Variants in POC1A observed in about 807,000 individuals in gnomAD.
The protein encoded by POC1A is POC1 centriolar protein homolog A.
A neutral mutation model predicts 47.8 loss-of-function variants in POC1A; 34 were observed. The ratio of observed to expected loss-of-function variants is 0.71; its 90% confidence interval spans 0.54 to 0.95. The LOEUF is 0.95. POC1A is among the 40% of genes least tolerant of loss of function. The pLI is 0.00. For synonymous variants in POC1A, 177 were observed against 207.6 expected, an observed-to-expected ratio of 0.85 and a Z score of 1.27; for missense variants, 466 against 528.3, an observed-to-expected ratio of 0.88 and a Z score of 1.16.
At chr3:52,089,237 T>C (rs1223931469) in intron 10 of POC1A, among the ~76,000 whole-genome samples, 3 of 151,872 alleles carry the variant, frequency 2.0e-5, no homozygotes, top group Admixed American at 2.0e-4. Flanking sequence ...CCCGCCACAT[T>C]TGCAAAGCCA....
intron 7 of POC1A, among the ~76,000 whole-genome samples, chr3:52,137,669 GA>G (rs1333408891): frequency 6.6e-6 from 1 of 152,138 alleles, no homozygotes; most frequent in African/African-American, 2.4e-5. Context: ...AGCTCATTCA[GA>G]AAGGAGGCCT....
chr3:52,085,867 C>A (rs1457399033), intron 10 of POC1A, among the ~76,000 whole-genome samples: 1 of 152,194 alleles, frequency 6.6e-6, no homozygotes, highest in Non-Finnish European at 1.5e-5. Flanking sequence ...TGGCTGGGCA[C>A]AGGCATGCAC....
chr3:52,131,811 A>G (rs1704223296), intron 7 of POC1A, among the ~76,000 whole-genome samples: 1 of 152,140 alleles, frequency 6.6e-6, no homozygotes, highest in African/African-American at 2.4e-5. Context: ...TAAAAGGCAG[A>G]TGAACCCCTG....
At chr3:52,147,219 C>A in intron 4 of POC1A, 124 bp from the exon 5 acceptor site, 1 of 680,844 alleles carries the variant, frequency 1.5e-6, no homozygotes, top group Non-Finnish European at 2.6e-6. Context: ...CCCGGGGTCA[C>A]ATGCCCTGCT....
chr3:52,141,792 C>T (rs1490150380), intron 6 of POC1A, among the ~76,000 whole-genome samples: 1 of 151,816 alleles, frequency 6.6e-6, no homozygotes, highest in Non-Finnish European at 1.5e-5. Context: ...AGTTCAAGAC[C>T]AGCCTGGGAA....
At chr3:52,114,453 CAG>C (rs1194408520) in intron 9 of POC1A, among the ~76,000 whole-genome samples, 1 of 152,210 alleles carries the variant, frequency 6.6e-6, no homozygotes, top group Non-Finnish European at 1.5e-5. Flanking sequence ...GCAGCACTGA[CAG>C]GGGTCCACAC....
At chr3:52,091,259 C>A (rs1702635990) in intron 10 of POC1A, among the ~76,000 whole-genome samples, 1 of 152,054 alleles carries the variant, frequency 6.6e-6, no homozygotes, top group Non-Finnish European at 1.5e-5. Context: ...GCGGGGAGCT[C>A]GCAGCATGTG....
chr3:52,114,380 T>A (rs1380517091), intron 9 of POC1A, among the ~76,000 whole-genome samples: 2 of 152,110 alleles, frequency 1.3e-5, no homozygotes, highest in African/African-American at 2.4e-5. Context: ...ATTACATGAA[T>A]GAGTACAAGG....
intron 10 of POC1A, among the ~76,000 whole-genome samples, chr3:52,096,287 C>A (rs151321032): frequency 3.9e-5 from 6 of 152,356 alleles, no homozygotes; most frequent in Non-Finnish European, 8.8e-5. Context: ...CACAGTGTTT[C>A]TTTCAAAGCT....
chr3:52,149,195 C>T lies in POC1A; in HGVS notation c.455+15G>A. On this transcript the variant is annotated intron_variant, in intron 4 of 10. Coordinates refer to ENST00000296484, the MANE Select transcript of POC1A (RefSeq NM_015426.5). ...CAGGGTTCCTCCAAGGGTCTCCAGA[C>T]AGAACAATGCTCACTTGGCACAGCG... The T allele has an allele frequency of 1.9e-6, 3 of 1,613,520 alleles. No individual in the cohort carries two copies. Among genetic ancestry groups the T allele is most frequent in the Non-Finnish European group, 2.5e-6 (3 of 1,179,630 alleles).
intron 2 of POC1A, among the ~76,000 whole-genome samples, chr3:52,150,368 G>T (rs1026586099): frequency 1.3e-5 from 2 of 152,180 alleles, no homozygotes; most frequent in Non-Finnish European, 1.5e-5. Flanking sequence ...CATTGAGAGG[G>T]CCCAACTCAG....
At chr3:52,093,854 G>A (rs1421847839) in intron 10 of POC1A, among the ~76,000 whole-genome samples, 1 of 152,226 alleles carries the variant, frequency 6.6e-6, no homozygotes, top group Non-Finnish European at 1.5e-5. Context: ...TCGCCACATG[G>A]GGCCATACCA....
chr3:52,122,736 G>A (rs1703835412), intron 8 of POC1A, among the ~76,000 whole-genome samples: 2 of 152,214 alleles, frequency 1.3e-5, no homozygotes. Flanking sequence ...GCACTTGCTG[G>A]TTCACCTCCC....
intron 10 of POC1A, among the ~76,000 whole-genome samples, chr3:52,082,869 C>G (rs1248914172): frequency 1.3e-5 from 2 of 152,172 alleles, no homozygotes; most frequent in African/African-American, 2.4e-5. Context: ...CAGATACCCC[C>G]AGTCTGCACC....
intron 7 of POC1A, among the ~76,000 whole-genome samples, chr3:52,134,793 C>G (rs563088919): frequency 2.0e-5 from 3 of 148,534 alleles, no homozygotes; most frequent in Admixed American, 2.0e-4. Context: ...TTTTCACCAC[C>G]TGGACTCAAA....
intron 10 of POC1A, among the ~76,000 whole-genome samples, chr3:52,076,793 C>T (rs902310803): frequency 1.3e-5 from 2 of 152,272 alleles, no homozygotes; most frequent in African/African-American, 4.8e-5. Flanking sequence ...GCTCTCCTGG[C>T]CTCTCTTACA....
At chr3:52,096,441 G>A (rs1702816753) in intron 10 of POC1A, 128 bp downstream of exon 10, 5 of 826,254 alleles carry the variant, frequency 6.1e-6, no homozygotes, top group Non-Finnish European at 9.3e-6. Context: ...CATTAATATG[G>A]ACTGGAAAAC....
intron 9 of POC1A, among the ~76,000 whole-genome samples, chr3:52,115,685 C>A (rs1012286235): frequency 6.6e-6 from 1 of 152,134 alleles, no homozygotes; most frequent in Non-Finnish European, 1.5e-5. Flanking sequence ...ATCTAGCTAG[C>A]CCCTTCCACC....
chr3:52,129,976 A>T (rs73082782), intron 7 of POC1A, among the ~76,000 whole-genome samples: 4,840 of 152,304 alleles, frequency 0.032, 103 homozygotes, highest in Non-Finnish European at 0.049. Flanking sequence ...TAGATTTCAC[A>T]GTCGTGCTGG....
Sources: allele counts gnomAD v4.1 joint callset (sites outside exome capture counted in the v4.1 genomes callset), GRCh38; gene constraint gnomAD v4.1.1; transcripts MANE v1.5; gene names NCBI Gene and HGNC (gene_info 2026-07-23, HGNC 2026-07-21).